Variants in GSE1 observed in about 807,000 individuals in gnomAD.
GSE1 encodes the protein Gse1 coiled-coil protein.
GSE1 carries 32 observed loss-of-function variants against 112.6 expected under a neutral mutation model. That is an observed-to-expected ratio of 0.28 (90% CI 0.21 to 0.38). The LOEUF is 0.38. GSE1 is among the 10% of genes least tolerant of loss of function. GSE1 has a pLI of 1.00. For synonymous variants in GSE1, 1,115 were observed against 735.6 expected, an observed-to-expected ratio of 1.52 and a Z score of -8.35; for missense variants, 2,348 against 1,699.2, an observed-to-expected ratio of 1.38 and a Z score of -6.71.
chr16:85,230,053 G>T (rs1321897974), intron 1 of GSE1, among the ~76,000 whole-genome samples: 1 of 152,210 alleles, frequency 6.6e-6, no homozygotes, highest in Admixed American at 6.5e-5. Context: ...GGGCAGGCTG[G>T]GCCAGTATGG....
intron 2 of GSE1, among the ~76,000 whole-genome samples, chr16:85,643,963 A>G (rs1598533573): frequency 6.6e-6 from 1 of 151,174 alleles, no homozygotes; most frequent in South Asian, 2.1e-4. Flanking sequence ...CATTTCCCCT[A>G]CTCACAGCTA....
intron 1 of GSE1, among the ~76,000 whole-genome samples, chr16:85,327,154 G>T (rs866601067): frequency 7.2e-5 from 11 of 152,150 alleles, no homozygotes; most frequent in African/African-American, 2.7e-4. Context: ...TGGTGGCAGG[G>T]TCCCAAGACC....
At chr16:85,529,885 C>A (rs1007872219) in intron 2 of GSE1, among the ~76,000 whole-genome samples, 2 of 152,234 alleles carry the variant, frequency 1.3e-5, no homozygotes, top group African/African-American at 4.8e-5. Context: ...GCCAGCAGGA[C>A]CAGCCGTGGC....
At chr16:85,215,831 T>C (rs893509779) in intron 1 of GSE1, among the ~76,000 whole-genome samples, 6 of 152,018 alleles carry the variant, frequency 3.9e-5, no homozygotes, top group Non-Finnish European at 5.9e-5. Flanking sequence ...ACTCTCCCCT[T>C]CCCCCGTCCC....
intron 2 of GSE1, among the ~76,000 whole-genome samples, chr16:85,387,538 G>A (rs924507559): frequency 9.8e-5 from 15 of 152,348 alleles, no homozygotes; most frequent in Middle Eastern, 3.4e-3. Flanking sequence ...TCATTGGTGA[G>A]GCCCTCCAGG....
chr16:85,452,282 A>G (rs780727651), intron 2 of GSE1, among the ~76,000 whole-genome samples: 1 of 151,956 alleles, frequency 6.6e-6, no homozygotes, highest in Non-Finnish European at 1.5e-5. Flanking sequence ...GCGGTTATTT[A>G]TTTATTTACC....
chr16:85,462,975 C>A, intron 2 of GSE1: 1 of 314,310 alleles, frequency 3.2e-6, no homozygotes, highest in African/African-American at 2.2e-5. Flanking sequence ...CCCTCCGGGC[C>A]CGTCTTCTGC....
intron 1 of GSE1, among the ~76,000 whole-genome samples, chr16:85,601,934 G>C (rs933843136): frequency 3.3e-5 from 5 of 152,226 alleles, no homozygotes; most frequent in Admixed American, 3.3e-4. Context: ...TGACAGTTGT[G>C]ATCTTAATGA....
At chr16:85,322,267 C>T (rs1434587994) in intron 1 of GSE1, among the ~76,000 whole-genome samples, 6 of 136,750 alleles carry the variant, frequency 4.4e-5, no homozygotes, top group Admixed American at 7.3e-5. Context: ...CTGATAGTAC[C>T]GGGTGGGTCA....
chr16:85,328,116 T>G (rs1277433842), intron 1 of GSE1, among the ~76,000 whole-genome samples: 2 of 152,360 alleles, frequency 1.3e-5, no homozygotes, highest in African/African-American at 4.8e-5. Context: ...CAATAAATGC[T>G]TGGCTGCTCA....
intron 2 of GSE1, among the ~76,000 whole-genome samples, chr16:85,395,229 A>G (rs1427508212): frequency 6.6e-6 from 1 of 152,158 alleles, no homozygotes; most frequent in Non-Finnish European, 1.5e-5. Context: ...ATGGAACCGA[A>G]TGAACAGGTA....
chr16:85,655,161 C>A (rs868773497), intron 5 of GSE1, among the ~76,000 whole-genome samples, 170 bp downstream of exon 5: 1 of 152,184 alleles, frequency 6.6e-6, no homozygotes, highest in Non-Finnish European at 1.5e-5. Context: ...GCCCTGATGG[C>A]CCATTAGGGG....
rs75740739 is a variant in GSE1 at position 85,214,578 on chromosome 16, C to A, written c.2283+42771C>A. Among the ~76,000 whole-genome samples the A allele has an allele frequency of 8.4e-3, 1,285 of 152,244 alleles. 21 individuals carry two copies. The highest frequency in any genetic ancestry group is 0.029 in the African/African-American group (1,212 of 41,534). ...CCAGACTTCTCCTAACCGAACTGCA[C>A]CGAGAATGACTTTCTGAGGTTTTAA... On this transcript the variant is annotated intron_variant, in intron 1 of 2. Transcript: ENST00000637419.
intron 1 of GSE1, among the ~76,000 whole-genome samples, chr16:85,344,546 G>T (rs1041741633): frequency 6.6e-6 from 1 of 152,252 alleles, no homozygotes; most frequent in African/African-American, 2.4e-5. Context: ...GTGAAGCGCA[G>T]GGCTGCTCCC....
intron 1 of GSE1, among the ~76,000 whole-genome samples, chr16:85,307,840 G>T (rs1474693641): frequency 6.6e-6 from 1 of 152,188 alleles, no homozygotes; most frequent in Non-Finnish European, 1.5e-5. Flanking sequence ...CATCAGGCGG[G>T]ACTCTTCAAG....
chr16:85,235,428 C>CTG (rs60860144), intron 1 of GSE1, among the ~76,000 whole-genome samples: 18,289 of 126,114 alleles, frequency 0.15, 1,347 homozygotes, highest in Non-Finnish European at 0.17. Flanking sequence ...TGGAAGGGTA[C>CTG]TGTGTGTGTG....
rs189719834 is a variant in GSE1 at position 85,187,390 on chromosome 16, C to T, written c.2283+15583C>T. Among the ~76,000 whole-genome samples the T allele has an allele frequency of 7.0e-3, 1,059 of 152,318 alleles. 9 individuals carry two copies. Among genetic ancestry groups the T allele is most frequent in the Admixed American group, 0.011 (175 of 15,300 alleles). On this transcript the variant is annotated intron_variant, in intron 1 of 2. Coordinates refer to the GSE1 transcript ENST00000637419. ...GCTGCGCCAAGGCCCTGGGGAGCACCGGGGCCCCCGCTTCCTGGACTGAGA... is the reference window on the plus strand; with the variant it reads ...GCTGCGCCAAGGCCCTGGGGAGCACTGGGGCCCCCGCTTCCTGGACTGAGA...
At chr16:85,350,577 C>G (rs1597460223) in intron 1 of GSE1, among the ~76,000 whole-genome samples, 1 of 152,030 alleles carries the variant, frequency 6.6e-6, no homozygotes, top group African/African-American at 2.4e-5. Flanking sequence ...AAGGCCAAGA[C>G]GCCTTCCCCA....
intron 2 of GSE1, among the ~76,000 whole-genome samples, chr16:85,435,951 C>G (rs2049237648): frequency 6.6e-6 from 1 of 152,102 alleles, no homozygotes; most frequent in Non-Finnish European, 1.5e-5. Context: ...ATGTAGTCAC[C>G]CCAGAAGGCA....
Sources: gnomAD v4.1 joint callset for allele counts (sites outside exome capture counted in the v4.1 genomes callset) on GRCh38, gnomAD v4.1.1 for gene constraint, MANE v1.5 for transcripts, NCBI Gene and HGNC (gene_info 2026-07-23, HGNC 2026-07-21) for gene names.